Variants in ATG4D observed in about 807,000 individuals in gnomAD.
ATG4D encodes the protein cysteine protease ATG4D.
A neutral mutation model predicts 55.2 loss-of-function variants in ATG4D; 51 were observed. That is an observed-to-expected ratio of 0.92 (90% CI 0.74 to 1.17). The LOEUF is 1.17. Among genes scored for constraint, ATG4D ranks in the 50% most tolerant of loss-of-function variants. The probability of loss-of-function intolerance (pLI) is 0.00; values close to 1 mark genes in which losing one functional copy is unlikely to be tolerated. For missense variants in ATG4D, 635 were observed against 649.6 expected, an observed-to-expected ratio of 0.98 and a Z score of 0.25; for synonymous variants, 268 against 266.2, an observed-to-expected ratio of 1.01 and a Z score of -0.07.
intron 5 of ATG4D, among the ~76,000 whole-genome samples, chr19:10,548,175 G>A (rs893449295): frequency 4.0e-5 from 6 of 151,058 alleles, no homozygotes; most frequent in Admixed American, 2.0e-4. Context: ...GACTACAGGC[G>A]CGTGCCATCA....
rs1351137590 is a variant in ATG4D, at chr19:10,552,049, C to G, written c.1050C>G (p.Asp350Glu). The G allele has an allele frequency of 1.9e-6, 3 of 1,611,814 alleles. No individual in the cohort carries two copies. The African/African-American group carries it at 4.0e-5, about 22-fold the overall frequency. The change falls in exon 8 of 10, where the codon GAC becomes GAG. Residue 350 changes from aspartate (D) to glutamate (E), a missense_variant. Physicochemically the swap from Asp to Glu is conservative, Grantham distance 45 (BLOSUM62 2). Transcript: ENST00000309469. ...TCACACCTGCACCCCCTGCAGATGA[C>G]TTCCTGCTGTACCTGGACCCTCACT... ...HSLYFIGYQD[D>E]FLLYLDPHYC...
At position 10,551,917 on chromosome 19, in the gene ATG4D, G is replaced by C; in HGVS notation, c.987G>C (p.Leu329=). ...PCVKELLRCE[L]CLGIMGGKPR... ...TGCAGGAACTCCTGCGTTGCGAGCT[G>C]TGCCTGGGCATCATGGGTGGGAAAC... Residue 329 remains leucine, a synonymous_variant, in exon 7 of 10, where the codon CTG becomes CTC. Transcript: ENST00000309469. 6.2e-7 allele frequency: 1 copy of C among 1,614,028 alleles called. No individual in the cohort carries two copies.
intron 9 of ATG4D, 29 bp from the exon 10 acceptor site, chr19:10,552,856 G>C (rs1423584527): frequency 6.3e-7 from 1 of 1,588,770 alleles, no homozygotes; most frequent in South Asian, 1.1e-5. Context: ...CACTGTTTGT[G>C]GCTGACCCTG....
chr19:10,547,401 A>T, intron 5 of ATG4D, 148 bp downstream of exon 5: 1 of 926,382 alleles, frequency 1.1e-6, no homozygotes, highest in Non-Finnish European at 1.6e-6. Flanking sequence ...GTGCAGTGGG[A>T]GATAGTCCCT....
At position 10,546,832 on chromosome 19, in the gene ATG4D, C is replaced by A; in HGVS notation, c.494-7C>A. 6.4e-7 allele frequency: 1 copy of A among 1,566,962 alleles called. No individual in the cohort carries two copies. Among genetic ancestry groups the A allele is most frequent in the Non-Finnish European group, 8.7e-7 (1 of 1,153,418 alleles). On this transcript the variant is annotated splice_polypyrimidine_tract_variant and splice_region_variant and intron_variant, in intron 3 of 9. Transcript: ENST00000309469. Reference sequence around the variant, plus strand: ...GCACTGTTTGACTATGTGCTCCATTCCACCAGACTGGACATGGGCCGAGGG... The same window carrying A: ...GCACTGTTTGACTATGTGCTCCATTACACCAGACTGGACATGGGCCGAGGG...
Position 10,552,968 on chromosome 19 carries a change from C to G in ATG4D, c.1326C>G (p.Asp442Glu). 2 of 1,613,786 alleles carry G rather than the reference C, an allele frequency of 1.2e-6. No homozygotes were observed. The highest frequency in any genetic ancestry group is 2.2e-5 in the South Asian group (2 of 91,090). The change falls in exon 10 of 10, where the codon GAC becomes GAG. Residue 442 changes from aspartate to glutamate, a missense_variant. By Grantham distance (45) the Asp-to-Glu change is conservative. Coordinates refer to ENST00000309469, the MANE Select transcript of ATG4D (RefSeq NM_032885.6). ...EGHAQDHSLD[D>E]LCSQLAQPTL... ...ATGCTCAGGACCACAGCCTGGACGA[C>G]CTCTGCTCCCAGCTCGCCCAGCCCA...
chr19:10,545,830 G>T (rs1241590144), intron 3 of ATG4D, among the ~76,000 whole-genome samples: 2 of 151,818 alleles, frequency 1.3e-5, no homozygotes, highest in Admixed American at 1.3e-4. Context: ...CCGTGCCACT[G>T]CACTCCAGCC....
chr19:10,549,031 G>T lies in ATG4D; in HGVS notation c.963G>T (p.Val321=). 1 of 1,614,152 alleles carries T rather than the reference G, an allele frequency of 6.2e-7. No homozygotes were observed. Among genetic ancestry groups the T allele is most frequent in the East Asian group, 2.2e-5 (1 of 44,866 alleles). The change falls in exon 6 of 10, where the codon GTG becomes GTT. Residue 321 remains valine, a synonymous_variant. Coordinates refer to ENST00000309469, the MANE Select transcript of ATG4D (RefSeq NM_032885.6). Reference sequence around the variant, plus strand: ...TCAACCCCGTGTATGTGCCCTGCGTGAAGGTAGGTTCAGCTGAATTCTAGG... The same window carrying T: ...TCAACCCCGTGTATGTGCCCTGCGTTAAGGTAGGTTCAGCTGAATTCTAGG... ...ETLNPVYVPC[V]KELLRCELCL... is the part of the protein sequence containing the mutation.
intron 3 of ATG4D, 57 bp downstream of exon 3, chr19:10,545,187 C>A: frequency 1.3e-6 from 2 of 1,574,508 alleles, no homozygotes; most frequent in Non-Finnish European, 1.7e-6. Context: ...GCCATATCAG[C>A]AGTATTAGAA....
At chr19:10,545,205 C>A in intron 3 of ATG4D, 75 bp downstream of exon 3, 3 of 1,530,050 alleles carry the variant, frequency 2.0e-6, no homozygotes, top group Non-Finnish European at 2.6e-6. Flanking sequence ...GAATTACTTA[C>A]CAACTAAGAG....
intron 6 of ATG4D, among the ~76,000 whole-genome samples, chr19:10,549,710 C>G (rs143792130): frequency 6.6e-6 from 1 of 152,146 alleles, no homozygotes; most frequent in Non-Finnish European, 1.5e-5. Context: ...TGAGCCACCA[C>G]GCCCGGCCCA....
At chr19:10,545,244 A>C in intron 3 of ATG4D, 114 bp downstream of exon 3, 8 of 1,406,450 alleles carry the variant, frequency 5.7e-6, no homozygotes, top group Non-Finnish European at 7.7e-6. Flanking sequence ...TTGTGTGTCA[A>C]GTAAGTTTTG....
At chr19:10,550,564 C>T (rs1288010878) in intron 6 of ATG4D, among the ~76,000 whole-genome samples, 1 of 152,110 alleles carries the variant, frequency 6.6e-6, no homozygotes, top group Non-Finnish European at 1.5e-5. Context: ...GTCGGGATAT[C>T]CCCCACCTTG....
chr19:10,552,126 G>A lies in ATG4D; in HGVS notation c.1122+5G>A. 1 of 1,611,900 alleles carries A rather than the reference G, an allele frequency of 6.2e-7. No homozygotes were observed. Among genetic ancestry groups the A allele is most frequent in the South Asian group, 1.1e-5 (1 of 91,078 alleles). On this transcript the variant is annotated splice_donor_5th_base_variant and intron_variant, in intron 8 of 9. Transcript: ENST00000309469. Reference sequence around the variant, plus strand: ...CAGGCCGACTTCCCCCTGGAGGTGAGTGGGAGCCCCAGTGTGTGGTTGGGG... The same window carrying A: ...CAGGCCGACTTCCCCCTGGAGGTGAATGGGAGCCCCAGTGTGTGGTTGGGG...
chr19:10,546,349 A>AT (rs1157498430), intron 3 of ATG4D, among the ~76,000 whole-genome samples: 31 of 149,904 alleles, frequency 2.1e-4, no homozygotes, highest in African/African-American at 7.6e-4. Flanking sequence ...TATTATTATT[A>AT]TTATTTTTTT....
chr19:10,552,990 C>T lies in ATG4D; in HGVS notation c.1348C>T (p.Pro450Ser), dbSNP rs1421446685. The T allele has an allele frequency of 1.9e-6, 3 of 1,613,426 alleles. No homozygotes were observed. Among genetic ancestry groups the T allele is most frequent in the South Asian group, 2.2e-5 (2 of 91,084 alleles). Reference sequence around the variant, plus strand: ...CGACCTCTGCTCCCAGCTCGCCCAGCCCACACTCCGGCTCCCTCGCACAGG... The same window carrying T: ...CGACCTCTGCTCCCAGCTCGCCCAGTCCACACTCCGGCTCCCTCGCACAGG... ...LDDLCSQLAQ[P>S]TLRLPRTGRL... is the part of the protein sequence containing the mutation. Residue 450 changes from proline to serine, a missense_variant, in exon 10 of 10, where the codon CCC becomes TCC. Physicochemically the swap from Pro to Ser is moderately conservative, Grantham distance 74. Transcript: ENST00000309469.
At position 10,544,874 on chromosome 19, in the gene ATG4D, G is replaced by C. The variant is rs199851944; in HGVS notation, c.319+8G>C. On this transcript the variant is annotated splice_region_variant and intron_variant, in intron 2 of 9. Coordinates refer to ENST00000309469, the MANE Select transcript of ATG4D (RefSeq NM_032885.6). ...ACCGTTTCGAGGGCGAGGGTGAGCT[G>C]GTGGTTGGGACCAGGGCTGGGGGAG... 6.8e-5 allele frequency: 110 copies of C among 1,606,826 alleles called. No homozygotes were observed. The African/African-American group carries it at 1.2e-3, about 18-fold the overall frequency.
In ATG4D at chr19:10,544,950, C is replaced by T. The variant is rs765359302; in HGVS notation, c.320-7C>T. 2.1e-5 allele frequency: 34 copies of T among 1,583,942 alleles called. No homozygotes were observed. The highest frequency in any genetic ancestry group is 2.9e-5 in the Non-Finnish European group (34 of 1,162,888). On this transcript the variant is annotated splice_region_variant and splice_polypyrimidine_tract_variant and intron_variant, in intron 2 of 9. Transcript: ENST00000309469. ...CCTGGTGGCAGCTGACAGACCCGCT[C>T]TTGTAGGTGACATACAGCGTTTCCA...
chr19:10,551,980 G>GCCCCCCCCCCCCC lies in ATG4D; in HGVS notation c.1045+8_1045+9insCCCCCCCCCCCCC. ...TGTACTTCATTGGCTACCAAGGTAG[G>GCCCCCCCCCCCCC]CCCACCCCCTCCTCACTCCTCCCAC... is the stretch of plus-strand genomic sequence containing the variant. On this transcript the variant is annotated splice_donor_region_variant and intron_variant, in intron 7 of 9. Coordinates refer to ENST00000309469, the MANE Select transcript of ATG4D (RefSeq NM_032885.6). 1 of 1,607,854 alleles carries GCCCCCCCCCCCCC rather than the reference G, an allele frequency of 6.2e-7. No individual in the cohort carries two copies. Among genetic ancestry groups the GCCCCCCCCCCCCC allele is most frequent in the Non-Finnish European group, 8.5e-7 (1 of 1,177,682 alleles).
Sources: allele counts gnomAD v4.1 joint callset (sites outside exome capture counted in the v4.1 genomes callset), GRCh38; gene constraint gnomAD v4.1.1; transcripts MANE v1.5; gene names NCBI Gene and HGNC (gene_info 2026-07-23, HGNC 2026-07-21).